Variants in ARHGAP40 observed in about 807,000 individuals in gnomAD.
ARHGAP40 encodes rho GTPase-activating protein 40.
ARHGAP40 carries 43 observed loss-of-function variants against 73.5 expected under a neutral mutation model. That is an observed-to-expected ratio of 0.58 (90% CI 0.46 to 0.75). The LOEUF is 0.75. Ranked by LOEUF, ARHGAP40 falls within the 30% of genes least tolerant of loss-of-function variation. The pLI is 0.00. For missense variants in ARHGAP40, 734 were observed against 861.8 expected, an observed-to-expected ratio of 0.85 and a Z score of 1.86; for synonymous variants, 300 against 352.8, an observed-to-expected ratio of 0.85 and a Z score of 1.68.
At chr20:38,608,141 G>C (rs964014734) in intron 1 of ARHGAP40, among the ~76,000 whole-genome samples, 2 of 152,056 alleles carry the variant, frequency 1.3e-5, no homozygotes, top group African/African-American at 4.8e-5. Context: ...TAATTTGTTT[G>C]GAGAGTTGTT....
chr20:38,618,834 G>A (rs749619078), intron 1 of ARHGAP40, among the ~76,000 whole-genome samples: 65 of 152,120 alleles, frequency 4.3e-4, no homozygotes, highest in Non-Finnish European at 7.3e-5. Context: ...CTCATCGCTC[G>A]ACCTCTGCTG....
intron 1 of ARHGAP40, chr20:38,615,614 G>T (rs2145597246): frequency 2.2e-6 from 1 of 457,150 alleles, no homozygotes; most frequent in Non-Finnish European, 4.0e-6. Context: ...ATCCTTTATT[G>T]ATTCCTGACT....
chr20:38,614,261 C>T (rs1273518433), intron 1 of ARHGAP40, among the ~76,000 whole-genome samples: 2 of 152,246 alleles, frequency 1.3e-5, no homozygotes, highest in Non-Finnish European at 2.9e-5. Flanking sequence ...CATAGGCACA[C>T]ATGGCTATGT....
chr20:38,603,023 A>C (rs973938962), intron 1 of ARHGAP40, among the ~76,000 whole-genome samples: 1 of 152,190 alleles, frequency 6.6e-6, no homozygotes, highest in Non-Finnish European at 1.5e-5. Context: ...TGTAGTTGCA[A>C]GTTTAAAAGG....
intron 9 of ARHGAP40, 140 bp from the exon 10 acceptor site, chr20:38,641,586 A>G: frequency 4.3e-6 from 2 of 460,702 alleles, no homozygotes; most frequent in South Asian, 4.1e-5. Context: ...AGACAAGGAA[A>G]TAGTCCCACA....
chr20:38,650,010 T>C, exon 15 of ARHGAP40: 1 of 431,628 alleles, frequency 2.3e-6, no homozygotes, highest in South Asian at 1.9e-5. Context: ...AGAAATAGAC[T>C]CAGGGGTGGT....
chr20:38,627,601 G>T (rs138788304), intron 3 of ARHGAP40, among the ~76,000 whole-genome samples: 231 of 119,918 alleles, frequency 1.9e-3, no homozygotes, highest in Non-Finnish European at 3.5e-3. Flanking sequence ...TGGGGTGTGC[G>T]TTGGTGTGTG....
intron 1 of ARHGAP40, among the ~76,000 whole-genome samples, chr20:38,621,063 G>A (rs1271467923): frequency 6.6e-6 from 1 of 152,184 alleles, no homozygotes; most frequent in Non-Finnish European, 1.5e-5. Flanking sequence ...CATCCATGGA[G>A]CCGGCCCTAG....
rs566993901 is a variant in ARHGAP40 at position 38,648,500 on chromosome 20, T to C, written c.1881-143T>C. 1.6e-4 allele frequency: 86 copies of C among 553,556 alleles called. 1 individual carries two copies. The highest frequency in any genetic ancestry group is 2.1e-4 in the Non-Finnish European group (75 of 355,770). The allele number at this position is 553,556 out of a possible 1,614,324, so 34.3% of individuals were successfully genotyped here. A position where few individuals can be genotyped will look rare whatever the true frequency, so the allele number is the denominator to read the frequency against. ...ACTGGCTCCAGCTCTCTCAGGAGGG[T>C]CCTTATGCTGCTTCTCCCCAGCAGG... On this transcript the variant is annotated intron_variant, in intron 13 of 14. Coordinates refer to ENST00000373345, the Ensembl canonical transcript of ARHGAP40.
At chr20:38,645,518 A>G (rs2089046001) in intron 11 of ARHGAP40, among the ~76,000 whole-genome samples, 1 of 152,134 alleles carries the variant, frequency 6.6e-6, no homozygotes, top group South Asian at 2.1e-4. Context: ...CAAAAAGGGG[A>G]ATTCAGAATC....
intron 13 of ARHGAP40, 115 bp from the exon 14 acceptor site, chr20:38,648,528 C>T: frequency 1.1e-6 from 1 of 884,952 alleles, no homozygotes. Context: ...CCAGCAGGAC[C>T]AAAAATCAGT....
intron 1 of ARHGAP40, among the ~76,000 whole-genome samples, chr20:38,611,791 A>G (rs2088806583): frequency 6.6e-6 from 1 of 151,660 alleles, no homozygotes; most frequent in Admixed American, 6.6e-5. Context: ...AGCCAGGATG[A>G]TCTCGATCTC....
intron 1 of ARHGAP40, among the ~76,000 whole-genome samples, chr20:38,617,167 G>T (rs1483764656): frequency 1.3e-5 from 2 of 152,156 alleles, no homozygotes; most frequent in Admixed American, 6.5e-5. Flanking sequence ...GACCTGGTTT[G>T]GCTGCTGGAG....
exon 11 of ARHGAP40, chr20:38,643,778 C>T (rs886715844): frequency 2.5e-5 from 32 of 1,305,736 alleles, no homozygotes; most frequent in South Asian, 3.7e-5. Flanking sequence ...ATGTTTCCAC[C>T]GTGATGGCCC....
chr20:38,627,900 T>G (rs1353583016), intron 3 of ARHGAP40, among the ~76,000 whole-genome samples: 3 of 152,096 alleles, frequency 2.0e-5, no homozygotes, highest in Non-Finnish European at 4.4e-5. Flanking sequence ...GCCCCTAAAT[T>G]GGGGATTAGC....
At position 38,628,074 on chromosome 20, in the gene ARHGAP40, C is replaced by T. The variant is rs144542734; in HGVS notation, c.559-853C>T. Among the ~76,000 whole-genome samples the T allele has an allele frequency of 1.8e-3, 271 of 152,304 alleles. 3 individuals are homozygous for T. The highest frequency in any genetic ancestry group is 6.4e-3 in the African/African-American group (265 of 41,552). On this transcript the variant is annotated intron_variant, in intron 3 of 14. Transcript: ENST00000373345. ...GACAGCAGCCCAGGGGCAGGACCACCCTATAGGCTGTGTGTCCAGAGCAAC... is the reference window on the plus strand; with the variant it reads ...GACAGCAGCCCAGGGGCAGGACCACTCTATAGGCTGTGTGTCCAGAGCAAC...
intron 2 of ARHGAP40, among the ~76,000 whole-genome samples, chr20:38,625,833 A>G (rs1601140711): frequency 6.6e-6 from 1 of 152,198 alleles, no homozygotes; most frequent in South Asian, 2.1e-4. Context: ...TATGGTGGGG[A>G]TCTTGTTTCC....
chr20:38,647,543 A>C (rs1254576982), intron 13 of ARHGAP40, among the ~76,000 whole-genome samples: 1 of 149,626 alleles, frequency 6.7e-6, no homozygotes, highest in Non-Finnish European at 1.5e-5. Flanking sequence ...TGCACCTGCC[A>C]CCATGCCTGG....
chr20:38,636,507 C>T (rs1189627771), intron 6 of ARHGAP40, among the ~76,000 whole-genome samples: 2 of 152,086 alleles, frequency 1.3e-5, no homozygotes, highest in Non-Finnish European at 2.9e-5. Context: ...AAATGATCTT[C>T]CCACCTCAGC....
Sources: allele counts gnomAD v4.1 joint callset (sites outside exome capture counted in the v4.1 genomes callset), GRCh38; gene constraint gnomAD v4.1.1; transcripts MANE v1.5; gene names NCBI Gene and HGNC (gene_info 2026-07-23, HGNC 2026-07-21).